Variants in PFKFB1 observed in about 807,000 individuals in gnomAD.
PFKFB1 encodes the protein 6-phosphofructo-2-kinase/fructose-2,6-biphosphatase 1.
In PFKFB1, 34 loss-of-function variants were observed where a neutral mutation model predicts 46.4. The ratio of observed to expected loss-of-function variants is 0.73; its 90% CI spans 0.56 to 0.98. The LOEUF is 0.98. PFKFB1 is among the 50% of genes least tolerant of loss of function. The pLI is 0.00. For synonymous variants in PFKFB1, 119 were observed against 133.8 expected (o/e 0.89, Z 0.76); for missense variants, 393 against 376.3 (o/e 1.04, Z -0.37).
chrX:54,972,236 G>C (rs1327639134), intron 1 of PFKFB1, among the ~76,000 whole-genome samples: 5 of 110,871 alleles, frequency 4.5e-5, no homozygotes, highest in Non-Finnish European at 9.4e-5. Context: ...AGGAGATTTT[G>C]GGATGAGACA....
At chrX:54,984,015 G>GT (rs946155144) in intron 1 of PFKFB1, among the ~76,000 whole-genome samples, 1 of 110,801 alleles carries the variant, frequency 9.0e-6, no homozygotes, top group Non-Finnish European at 1.9e-5. Flanking sequence ...TAATAGGGTT[G>GT]TTTTTTTCTT....
intron 13 of PFKFB1, 35 bp downstream of exon 13, chrX:54,933,786 C>T: frequency 8.6e-7 from 1 of 1,159,444 alleles, no homozygotes; most frequent in Non-Finnish European, 1.2e-6. Context: ...GTGCTGTGTC[C>T]ACAGCCAGCT....
chrX:54,961,895 A>C (rs1416613766), intron 2 of PFKFB1, among the ~76,000 whole-genome samples: 1 of 111,487 alleles, frequency 9.0e-6, no homozygotes. Context: ...GAACAGCTTG[A>C]GCAAGAGTAT....
At chrX:54,939,679 C>A (rs1026718097) in intron 10 of PFKFB1, among the ~76,000 whole-genome samples, 1 of 111,609 alleles carries the variant, frequency 9.0e-6, no homozygotes, top group Non-Finnish European at 1.9e-5. Context: ...TACACCCTCC[C>A]AAGACTAAAC....
chrX:54,948,418 A>G (rs1933868606), intron 9 of PFKFB1, among the ~76,000 whole-genome samples: 2 of 112,068 alleles, frequency 1.8e-5, no homozygotes, highest in African/African-American at 6.5e-5. Context: ...TGTGCAACAC[A>G]TTCAGATTAC....
intron 1 of PFKFB1, among the ~76,000 whole-genome samples, chrX:54,966,175 C>A (rs892782836): frequency 1.8e-5 from 2 of 111,781 alleles, no homozygotes; most frequent in Non-Finnish European, 1.9e-5. Flanking sequence ...AAAGTAGGAT[C>A]CAACTACATG....
intron 1 of PFKFB1, among the ~76,000 whole-genome samples, chrX:54,985,086 T>C (rs866836269): frequency 6.3e-5 from 7 of 110,750 alleles, no homozygotes; most frequent in Non-Finnish European, 1.1e-4. Flanking sequence ...ATTTTTAACA[T>C]AGTACAAAGA....
At chrX:54,984,349 G>A (rs1402130948) in intron 1 of PFKFB1, among the ~76,000 whole-genome samples, 1 of 111,952 alleles carries the variant, frequency 8.9e-6, no homozygotes, top group Non-Finnish European at 1.9e-5. Context: ...CATCAAGGCT[G>A]CAAGATACAA....
At chrX:54,991,614 T>C (rs2037015293) in intron 1 of PFKFB1, among the ~76,000 whole-genome samples, 1 of 109,230 alleles carries the variant, frequency 9.2e-6, no homozygotes, top group East Asian at 2.9e-4. Context: ...CCAAAATTTA[T>C]GGAGAAGGGC....
Position 54,956,357 on chromosome X carries a change from A to G in PFKFB1, c.517-83T>C, listed in dbSNP as rs762182876. The G allele has an allele frequency of 7.5e-6, 8 of 1,063,728 alleles. No individual in the cohort carries two copies. In the East Asian group the frequency reaches 2.5e-4, roughly 33 times the overall value. 87.7% of individuals were successfully genotyped at this position (1,063,728 alleles called of 1,213,427 possible). On this transcript the variant is annotated intron_variant, in intron 6 of 13. Transcript: ENST00000375006. ...TTGGAAGTTCCCTTAGAGACCATTG[A>G]GTACAAGATGCCTCATTATAAAGAT...
chrX:54,965,915 C>T (rs145579789), intron 1 of PFKFB1, among the ~76,000 whole-genome samples: 134 of 108,262 alleles, frequency 1.2e-3, no homozygotes, highest in African/African-American at 4.4e-3. Context: ...TATAAGATAT[C>T]TAAATAATAA....
At chrX:54,971,526 G>A (rs1215384864) in intron 1 of PFKFB1, among the ~76,000 whole-genome samples, 1 of 111,740 alleles carries the variant, frequency 8.9e-6, no homozygotes, top group African/African-American at 3.3e-5. Flanking sequence ...AAGGTGTAAG[G>A]AAGGGATCCA....
chrX:54,944,708 C>T (rs1485847249), intron 10 of PFKFB1, among the ~76,000 whole-genome samples: 1 of 111,314 alleles, frequency 9.0e-6, no homozygotes, highest in Non-Finnish European at 1.9e-5. Flanking sequence ...TTTTGTATAC[C>T]TCTAATAACA....
intron 1 of PFKFB1, among the ~76,000 whole-genome samples, chrX:54,987,718 G>C (rs1029618397): frequency 7.2e-5 from 8 of 110,629 alleles, no homozygotes; most frequent in African/African-American, 2.6e-4. Flanking sequence ...ATAGAATTAA[G>C]GACAAAAAAA....
Position 54,982,688 on chromosome X carries a change from G to A in PFKFB1, c.97+11223C>T, listed in dbSNP as rs187172503. Among the ~76,000 whole-genome samples, 62 of 110,947 alleles carry A rather than the reference G, an allele frequency of 5.6e-4. No homozygotes were observed. In the South Asian group the frequency reaches 0.01, roughly 18 times the overall value. ...TGAGCATTCATGGATTTTGGTATCT[G>A]CAGGGGTTCCTAGAACCAATCCTCT... On this transcript the variant is annotated intron_variant, in intron 1 of 13. Transcript: ENST00000375006.
chrX:54,947,926 AT>A (rs113193806), intron 9 of PFKFB1, among the ~76,000 whole-genome samples: 2,287 of 98,019 alleles, frequency 0.023, 54 homozygotes, highest in African/African-American at 0.073. Flanking sequence ...TTCCACCTTA[AT>A]TTTTTTTTTT....
At chrX:54,937,171 T>C (rs2146588856) in intron 11 of PFKFB1, among the ~76,000 whole-genome samples, 1 of 111,974 alleles carries the variant, frequency 8.9e-6, no homozygotes, top group Admixed American at 9.5e-5. Flanking sequence ...ATCATGAAGC[T>C]ATGAAAGGCC....
chrX:54,979,982 A>C (rs1488542986), intron 1 of PFKFB1, among the ~76,000 whole-genome samples: 1 of 111,416 alleles, frequency 9.0e-6, no homozygotes, highest in African/African-American at 3.3e-5. Flanking sequence ...TCTGGTCAAG[A>C]GCTAGTGAGA....
At chrX:54,939,020 C>G (rs1286579175) in intron 10 of PFKFB1, among the ~76,000 whole-genome samples, 1 of 111,699 alleles carries the variant, frequency 9.0e-6, no homozygotes, top group African/African-American at 3.3e-5. Flanking sequence ...TGTAAAAGAA[C>G]AGAAATTATA....
Sources: gnomAD v4.1 joint callset for allele counts (sites outside exome capture counted in the v4.1 genomes callset) on GRCh38, gnomAD v4.1.1 for gene constraint, MANE v1.5 for transcripts, NCBI Gene and HGNC (gene_info 2026-07-23, HGNC 2026-07-21) for gene names.